The following ERBIN variants were observed in gnomAD, a reference collection of about 807,000 sequenced individuals.
ERBIN encodes erbb2 interacting protein, also known as densin-180-like protein.
Under a neutral mutation model 158.4 loss-of-function variants are expected in ERBIN, and 60 were observed. The ratio of observed to expected loss-of-function variants is 0.38; its 90% CI spans 0.31 to 0.47. The LOEUF (loss-of-function observed/expected upper bound fraction) is 0.47, where lower values mean the gene tolerates loss of function less well. Ranked by LOEUF, ERBIN falls within the 20% of genes least tolerant of loss-of-function variation. ERBIN has a pLI of 0.99. For synonymous variants in ERBIN, 594 were observed against 557.2 expected (o/e 1.07, Z -0.93); for missense variants, 1,610 against 1,648.0 (o/e 0.98, Z 0.40).
At chr5:65,936,827 A>T (rs892410235) in intron 1 of ERBIN, among the ~76,000 whole-genome samples, 2 of 152,180 alleles carry the variant, frequency 1.3e-5, no homozygotes, top group Admixed American at 1.3e-4. Context: ...TCCCAGATAT[A>T]CTCCGGTATG....
chr5:66,024,447 A>T lies in ERBIN; in HGVS notation c.814A>T (p.Ile272Phe), dbSNP rs756303996. 1.3e-6 allele frequency: 2 copies of T among 1,579,922 alleles called. No homozygotes were observed. Among genetic ancestry groups the T allele is most frequent in the Non-Finnish European group, 8.5e-7 (1 of 1,171,044 alleles). The change falls in exon 10 of 26, where the codon ATT (isoleucine) becomes TTT (phenylalanine). Residue 272 changes from isoleucine (I) to phenylalanine (F), a missense_variant. By Grantham distance (21) the Ile-to-Phe change is conservative. Transcript: ENST00000284037. ...TTCACTTCAGCAGCTTCCTGAGACT[A>T]TTGGTTTGTATTGCTTTCAAATTCA... is the stretch of plus-strand genomic sequence containing the variant. The part of the protein sequence containing the change: ...SNSLQQLPET[I>F]GSLKNITTLK...
intron 4 of ERBIN, among the ~76,000 whole-genome samples, chr5:65,996,945 A>G (rs1038521183): frequency 2.0e-5 from 3 of 152,160 alleles, no homozygotes; most frequent in Non-Finnish European, 4.4e-5. Flanking sequence ...GTTAATATGT[A>G]AAAATGCTAC....
intron 25 of ERBIN, 101 bp downstream of exon 25, chr5:66,077,050 C>T (rs1762044117): frequency 2.3e-6 from 2 of 858,634 alleles, no homozygotes; most frequent in South Asian, 3.5e-5. Flanking sequence ...GGGTGGGAGG[C>T]TGAGGCAGGA....
chr5:65,982,033 G>C (rs1485872749), intron 1 of ERBIN, among the ~76,000 whole-genome samples: 1 of 152,150 alleles, frequency 6.6e-6, no homozygotes, highest in East Asian at 1.9e-4. Flanking sequence ...TGAAATCTGA[G>C]ATTTTACCCT....
chr5:65,936,175 G>C lies in ERBIN; in HGVS notation c.-58+9369G>C, dbSNP rs923774728. Among the ~76,000 whole-genome samples, 13 of 152,200 alleles carry C rather than the reference G, an allele frequency of 8.5e-5. No homozygotes were observed. The South Asian group carries it at 2.1e-3, about 24-fold the overall frequency. ...AGGTCTGATGGAGGGGGGGTGGGGA[G>C]AGGAGGGTATGTTTGTAGTAGGACC... On this transcript the variant is annotated intron_variant, in intron 1 of 25. Coordinates refer to ENST00000284037, the MANE Select transcript of ERBIN (RefSeq NM_001253697.2).
chr5:65,981,368 GAA>G (rs1369234426), intron 1 of ERBIN, among the ~76,000 whole-genome samples: 2 of 152,084 alleles, frequency 1.3e-5, no homozygotes, highest in African/African-American at 4.8e-5. Flanking sequence ...GACAGAAAAA[GAA>G]ATTCAGAATA....
intron 6 of ERBIN, 67 bp from the exon 7 acceptor site, chr5:66,014,602 A>G (rs148741076): frequency 1.3e-6 from 1 of 752,980 alleles, no homozygotes; most frequent in East Asian, 3.1e-5. Flanking sequence ...AAACATTAGA[A>G]TATGAAATTA....
At chr5:66,058,332 GTCT>G (rs1301527626) in intron 21 of ERBIN, among the ~76,000 whole-genome samples, 1 of 152,068 alleles carries the variant, frequency 6.6e-6, no homozygotes, top group South Asian at 2.1e-4. Flanking sequence ...CTGCATAAGT[GTCT>G]TCTTTTGAGA....
chr5:65,942,754 G>C (rs555763252), intron 1 of ERBIN, among the ~76,000 whole-genome samples: 2 of 152,048 alleles, frequency 1.3e-5, no homozygotes, highest in African/African-American at 4.8e-5. Flanking sequence ...GTGAAACTCT[G>C]TGTCTACTAA....
chr5:65,936,869 A>C (rs1744149628), intron 1 of ERBIN, among the ~76,000 whole-genome samples: 1 of 152,228 alleles, frequency 6.6e-6, no homozygotes, highest in Non-Finnish European at 1.5e-5. Flanking sequence ...GCTAGAATCA[A>C]ATTCCCTCTG....
intron 22 of ERBIN, among the ~76,000 whole-genome samples, chr5:66,073,046 GTTT>G (rs3840317): frequency 6.6e-6 from 1 of 152,140 alleles, no homozygotes; most frequent in East Asian, 1.9e-4. Context: ...TTGTCATCCA[GTTT>G]TTTCTCATTA....
intron 1 of ERBIN, among the ~76,000 whole-genome samples, chr5:65,974,096 C>T (rs1749585957): frequency 6.6e-6 from 1 of 151,150 alleles, no homozygotes; most frequent in Non-Finnish European, 1.5e-5. Context: ...AAAAATAACC[C>T]TGATGTGGTG....
At chr5:66,049,762 G>A (rs538152926) in intron 19 of ERBIN, among the ~76,000 whole-genome samples, 1 of 151,938 alleles carries the variant, frequency 6.6e-6, no homozygotes, top group Non-Finnish European at 1.5e-5. Context: ...CACTATTTCT[G>A]TGATTTGGCT....
chr5:65,941,757 T>C (rs1206386933), intron 1 of ERBIN, among the ~76,000 whole-genome samples: 5 of 152,168 alleles, frequency 3.3e-5, no homozygotes, highest in Admixed American at 2.6e-4. Flanking sequence ...TATTTTTTTT[T>C]TGAGACGGAG....
chr5:65,929,478 C>T lies in ERBIN; in HGVS notation c.-58+2672C>T, dbSNP rs151209473. Among the ~76,000 whole-genome samples the T allele has an allele frequency of 4.3e-3, 651 of 152,152 alleles. 5 individuals carry two copies. The highest frequency in any genetic ancestry group is 0.015 in the African/African-American group (628 of 41,508). On this transcript the variant is annotated intron_variant, in intron 1 of 25. Coordinates refer to ENST00000284037, the MANE Select transcript of ERBIN (RefSeq NM_001253697.2). ...TCTTTTTTATTTTTCGTAATTGCTG[C>T]TTATCCAGATTCTCCTTACATACCC...
chr5:66,050,755 C>T (rs756971128), intron 19 of ERBIN, 28 bp from the exon 20 acceptor site: 1 of 1,404,644 alleles, frequency 7.1e-7, no homozygotes, highest in South Asian at 1.4e-5. Context: ...GGGAATTTAT[C>T]ATTAATCTTA....
intron 1 of ERBIN, among the ~76,000 whole-genome samples, chr5:65,964,741 C>CT (rs70987103): frequency 0.74 from 88,667 of 119,444 alleles, 34,495 homozygotes; most frequent in Non-Finnish European, 0.86. Flanking sequence ...CCAGAGCAAT[C>CT]TTTTTTTTTT....
chr5:65,992,442 C>T (rs575193097), intron 2 of ERBIN, among the ~76,000 whole-genome samples: 8 of 152,270 alleles, frequency 5.3e-5, no homozygotes, highest in African/African-American at 1.4e-4. Flanking sequence ...CCACTGCGCC[C>T]GGCCTCAAAG....
rs191840778 is a variant in ERBIN at position 66,002,941 on chromosome 5, A to G, written c.307+8077A>G. Among the ~76,000 whole-genome samples the G allele has an allele frequency of 1.1e-4, 16 of 152,348 alleles. No individual in the cohort carries two copies. The East Asian group carries it at 3.1e-3, about 29-fold the overall frequency. On this transcript the variant is annotated intron_variant, in intron 4 of 25. Coordinates refer to ENST00000284037, the MANE Select transcript of ERBIN (RefSeq NM_001253697.2). ...ACCATGTTTTACACTGTCCATGTTT[A>G]GACTGGTGATTTCTGGCCACTGCCA...
Sources: allele counts gnomAD v4.1 joint callset (sites outside exome capture counted in the v4.1 genomes callset), GRCh38; gene constraint gnomAD v4.1.1; transcripts MANE v1.5; gene names NCBI Gene and HGNC (gene_info 2026-07-23, HGNC 2026-07-21).